The following TOX2 variants were observed in gnomAD, a reference collection of about 807,000 sequenced individuals.
TOX2 encodes the protein granulosa cell HMG box 1.
TOX2 carries 15 observed loss-of-function variants against 47.4 expected under a neutral mutation model. The ratio of observed to expected loss-of-function variants is 0.32; its 90% CI spans 0.21 to 0.49. The LOEUF is 0.49. Among genes scored for constraint, TOX2 ranks in the 20% least tolerant of loss-of-function variants. The pLI, the probability that TOX2 is intolerant of heterozygous loss-of-function variation, is 0.99. For synonymous variants in TOX2, 290 were observed against 296.6 expected (o/e 0.98, Z 0.23); for missense variants, 622 against 673.1 (o/e 0.92, Z 0.84).
At chr20:43,983,695 C>G (rs1229715117) in intron 2 of TOX2, among the ~76,000 whole-genome samples, 1 of 152,138 alleles carries the variant, frequency 6.6e-6, no homozygotes, top group Non-Finnish European at 1.5e-5. Flanking sequence ...TTTTTTCCAG[C>G]ACTAAATGAT....
chr20:44,055,621 A>G (rs2071603376), intron 5 of TOX2, among the ~76,000 whole-genome samples: 1 of 152,160 alleles, frequency 6.6e-6, no homozygotes, highest in South Asian at 2.1e-4. Context: ...AAACCAGTGA[A>G]GAGTTTTATG....
At chr20:44,017,752 T>C (rs2070905258) in intron 3 of TOX2, among the ~76,000 whole-genome samples, 2 of 152,234 alleles carry the variant, frequency 1.3e-5, no homozygotes, top group Non-Finnish European at 2.9e-5. Context: ...GGTACTGTTA[T>C]TGTTGCCATT....
intron 2 of TOX2, among the ~76,000 whole-genome samples, chr20:43,983,094 G>T (rs1413167129): frequency 6.6e-6 from 1 of 151,926 alleles, no homozygotes; most frequent in Non-Finnish European, 1.5e-5. Flanking sequence ...CTGGCTGTGA[G>T]CCTCACAGGG....
intron 2 of TOX2, among the ~76,000 whole-genome samples, chr20:44,001,268 C>T (rs1272594821): frequency 2.0e-5 from 3 of 152,158 alleles, no homozygotes; most frequent in South Asian, 2.1e-4. Flanking sequence ...CTATGTGACA[C>T]CTCTACTCTC....
At chr20:43,962,123 T>A (rs1032876492) in intron 1 of TOX2, among the ~76,000 whole-genome samples, 1 of 152,198 alleles carries the variant, frequency 6.6e-6, no homozygotes, top group Admixed American at 6.5e-5. Context: ...TAAATGGAGC[T>A]GAGAGAGAGG....
chr20:44,022,353 G>C (rs1317968542), intron 3 of TOX2, among the ~76,000 whole-genome samples: 1 of 152,088 alleles, frequency 6.6e-6, no homozygotes, highest in Non-Finnish European at 1.5e-5. Context: ...TTCTTACCTT[G>C]TGGGTTGCTT....
At chr20:43,989,309 G>C (rs1346883904) in intron 2 of TOX2, among the ~76,000 whole-genome samples, 1 of 152,176 alleles carries the variant, frequency 6.6e-6, no homozygotes, top group East Asian at 1.9e-4. Flanking sequence ...TGCCTACCCT[G>C]AGGAGCAGTT....
Position 44,009,554 on chromosome 20 carries a change from T to G in TOX2, c.411+2762T>G, listed in dbSNP as rs57961367. 2.5e-3 allele frequency among the ~76,000 whole-genome samples: 382 copies of G among 152,362 alleles called. 3 individuals are homozygous for G. Among genetic ancestry groups the G allele is most frequent in the African/African-American group, 8.5e-3 (353 of 41,586 alleles). On this transcript the variant is annotated intron_variant, in intron 3 of 8. Transcript: ENST00000341197. ...ATGTCTGGAATGGTTTTAACCCATTTATGCCTGAGGTTGCAATTTTTTGAA... is the reference window on the plus strand; with the variant it reads ...ATGTCTGGAATGGTTTTAACCCATTGATGCCTGAGGTTGCAATTTTTTGAA...
chr20:43,927,951 G>A (rs544456647), intron 1 of TOX2, among the ~76,000 whole-genome samples: 2 of 152,258 alleles, frequency 1.3e-5, no homozygotes, highest in South Asian at 4.1e-4. Flanking sequence ...AATTTCAAAT[G>A]TGTGTGGTAA....
rs746277270 is a variant in TOX2 at position 44,062,404 on chromosome 20, A to AAATG, written c.880-2369_880-2366dup. Among the ~76,000 whole-genome samples, 619 of 145,102 alleles carry AAATG rather than the reference A, an allele frequency of 4.3e-3. 5 individuals carry two copies. Among genetic ancestry groups the AAATG allele is most frequent in the African/African-American group, 0.01 (406 of 40,240 alleles). Reference sequence around the variant, plus strand: ...TAAATAAATAAATAAATAAATAAATAAATGAATAAATAAAATACTTAGGAA... The same window carrying AAATG: ...TAAATAAATAAATAAATAAATAAATAAATGAATGAATAAATAAAATACTTAGGAA... On this transcript the variant is annotated intron_variant, in intron 5 of 8. Transcript: ENST00000341197.
intron 2 of TOX2, among the ~76,000 whole-genome samples, chr20:44,000,304 C>T (rs1277819602): frequency 6.6e-6 from 1 of 152,132 alleles, no homozygotes; most frequent in Admixed American, 6.5e-5. Flanking sequence ...GAGACTGCTG[C>T]AGTCATCCAG....
intron 3 of TOX2, among the ~76,000 whole-genome samples, chr20:44,019,879 G>A (rs983387128): frequency 6.6e-6 from 1 of 152,102 alleles, no homozygotes; most frequent in Non-Finnish European, 1.5e-5. Context: ...ATCACCCCAG[G>A]GAGTTGTGGA....
At chr20:44,013,918 TCAGGA>T (rs1422170662) in intron 3 of TOX2, among the ~76,000 whole-genome samples, 3 of 151,804 alleles carry the variant, frequency 2.0e-5, no homozygotes, top group African/African-American at 7.3e-5. Flanking sequence ...TCACTTGAGG[TCAGGA>T]GTTCAAGACC....
intron 2 of TOX2, among the ~76,000 whole-genome samples, chr20:43,986,648 G>A (rs2145527427): frequency 6.6e-6 from 1 of 152,222 alleles, no homozygotes; most frequent in South Asian, 2.1e-4. Flanking sequence ...AGTTGAGAAG[G>A]ATCTGGAGGA....
At chr20:43,929,762 T>C (rs2069228046) in intron 1 of TOX2, among the ~76,000 whole-genome samples, 1 of 152,184 alleles carries the variant, frequency 6.6e-6, no homozygotes, top group Non-Finnish European at 1.5e-5. Context: ...CAGGTTGGAG[T>C]GCAGTGGTGC....
At chr20:43,981,255 A>G (rs541433253) in intron 2 of TOX2, among the ~76,000 whole-genome samples, 1 of 152,364 alleles carries the variant, frequency 6.6e-6, no homozygotes, top group Non-Finnish European at 1.5e-5. Context: ...AATTGCAAAT[A>G]CATTGACCTT....
intron 3 of TOX2, among the ~76,000 whole-genome samples, chr20:44,016,867 G>A (rs1398723377): frequency 1.3e-5 from 2 of 152,190 alleles, no homozygotes; most frequent in Non-Finnish European, 2.9e-5. Context: ...ATTTAAAGGT[G>A]TGTCCAAAAA....
intron 2 of TOX2, among the ~76,000 whole-genome samples, chr20:43,974,041 A>T (rs2070026552): frequency 6.6e-6 from 1 of 152,172 alleles, no homozygotes; most frequent in African/African-American, 2.4e-5. Flanking sequence ...GGTCTCTGAA[A>T]ATTAATGTTT....
At chr20:43,974,226 C>T (rs2070030012) in intron 2 of TOX2, among the ~76,000 whole-genome samples, 1 of 151,340 alleles carries the variant, frequency 6.6e-6, no homozygotes, top group African/African-American at 2.4e-5. Flanking sequence ...AGGGTCCTCA[C>T]TGCAGGCCAG....
Sources: allele counts gnomAD v4.1 joint callset (sites outside exome capture counted in the v4.1 genomes callset), GRCh38; gene constraint gnomAD v4.1.1; transcripts MANE v1.5; gene names NCBI Gene and HGNC (gene_info 2026-07-23, HGNC 2026-07-21).